Variants in MARCHF1 observed in about 807,000 individuals in gnomAD.
MARCHF1 encodes membrane associated ring-CH-type finger 1.
MARCHF1 carries 40 observed loss-of-function variants against 54.2 expected under a neutral mutation model. The ratio of observed to expected loss-of-function variants is 0.74; its 90% confidence interval spans 0.57 to 0.96. MARCHF1 has a LOEUF of 0.96. Ranked by LOEUF, MARCHF1 falls within the 40% of genes least tolerant of loss-of-function variation. The pLI is 0.00. For synonymous variants in MARCHF1, 236 were observed against 236.3 expected, an observed-to-expected ratio of 1.00 and a Z score of 0.01; for missense variants, 586 against 656.5, an observed-to-expected ratio of 0.89 and a Z score of 1.17.
intron 2 of MARCHF1, among the ~76,000 whole-genome samples, chr4:164,059,320 C>T (rs1242262605): frequency 6.6e-6 from 1 of 152,126 alleles, no homozygotes; most frequent in Non-Finnish European, 1.5e-5. Context: ...CAAGAGCGTT[C>T]CAATGTGTAT....
intron 1 of MARCHF1, among the ~76,000 whole-genome samples, chr4:164,259,508 G>T (rs1292901379): frequency 4.1e-5 from 5 of 123,250 alleles, no homozygotes; most frequent in Non-Finnish European, 7.9e-5. Flanking sequence ...CACGGCTACT[G>T]CACTCCAGTG....
intron 1 of MARCHF1, among the ~76,000 whole-genome samples, chr4:164,180,240 A>G (rs114968107): frequency 0.013 from 1,917 of 152,156 alleles, 38 homozygotes; most frequent in African/African-American, 0.044. Context: ...TGCACTGATA[A>G]TTTTATTGGA....
At chr4:164,095,186 AGAACAGCCTG>A (rs1338309606) in intron 2 of MARCHF1, among the ~76,000 whole-genome samples, 1 of 152,164 alleles carries the variant, frequency 6.6e-6, no homozygotes, top group African/African-American at 2.4e-5. Context: ...CTTCAAGCCC[AGAACAGCCTG>A]GATTATACTC....
intron 1 of MARCHF1, among the ~76,000 whole-genome samples, chr4:164,147,921 T>C (rs549550078): frequency 7.2e-5 from 11 of 152,154 alleles, no homozygotes; most frequent in African/African-American, 2.6e-4. Flanking sequence ...CCATTAAAAG[T>C]ATTTCTGGAT....
At position 163,612,264 on chromosome 4, in the gene MARCHF1, G is replaced by A. The variant is rs772075480; in HGVS notation, c.1010+7C>T. On this transcript the variant is annotated splice_region_variant and intron_variant, in intron 7 of 9. Coordinates refer to ENST00000514618, the MANE Select transcript of MARCHF1 (RefSeq NM_001394959.1). ...ATGACATCAAGCCTTTCTCTACAGT[G>A]ACTGACCTGCATACTTCTAAATTAT... is the stretch of plus-strand genomic sequence containing the variant. The A allele has an allele frequency of 5.4e-6, 8 of 1,482,990 alleles. 1 individual carries two copies. In the South Asian group the frequency reaches 5.5e-5, roughly 10 times the overall value. The allele number at this position is 1,482,990 out of a possible 1,614,324, so 91.9% of individuals were successfully genotyped here. A position where few individuals can be genotyped will look rare whatever the true frequency, so the allele number is the denominator to read the frequency against.
rs144478801 is a variant in MARCHF1, at chr4:164,382,534, T to C, written c.-323+1336A>G. Among the ~76,000 whole-genome samples, 212 of 152,306 alleles carry C rather than the reference T, an allele frequency of 1.4e-3. 2 individuals are homozygous for C. The East Asian group carries it at 0.032, about 23-fold the overall frequency. ...AAAATTACTATTTAAAGTTTAAATA[T>C]TTTCGATTGTAGTGGATGAAAACAG... On this transcript the variant is annotated intron_variant, in intron 1 of 9. Coordinates refer to ENST00000514618, the MANE Select transcript of MARCHF1 (RefSeq NM_001394959.1).
chr4:164,175,720 G>C (rs1730645346), intron 1 of MARCHF1, among the ~76,000 whole-genome samples: 1 of 152,198 alleles, frequency 6.6e-6, no homozygotes, highest in South Asian at 2.1e-4. Context: ...TCTGTCTTCA[G>C]ACTGAAGACC....
intron 1 of MARCHF1, among the ~76,000 whole-genome samples, chr4:164,258,301 A>T (rs1733352606): frequency 6.6e-6 from 1 of 152,018 alleles, no homozygotes; most frequent in Admixed American, 6.6e-5. Flanking sequence ...AATGTAGATG[A>T]CTGGTTGATG....
chr4:164,352,639 A>G (rs1298392351), intron 1 of MARCHF1, among the ~76,000 whole-genome samples: 4 of 150,656 alleles, frequency 2.7e-5, no homozygotes, highest in Non-Finnish European at 4.4e-5. Flanking sequence ...AACAACCGGT[A>G]CCAGCCGCTG....
chr4:163,646,728 G>C (rs964967555), intron 5 of MARCHF1, among the ~76,000 whole-genome samples: 2 of 152,022 alleles, frequency 1.3e-5, no homozygotes, highest in African/African-American at 4.8e-5. Flanking sequence ...GTTTTATGAA[G>C]TGTCAGGAAA....
At chr4:164,179,279 A>G (rs953261516) in intron 1 of MARCHF1, among the ~76,000 whole-genome samples, 1 of 152,182 alleles carries the variant, frequency 6.6e-6, no homozygotes, top group Non-Finnish European at 1.5e-5. Flanking sequence ...GATTCTGCAC[A>G]TAGTAAACTC....
chr4:163,907,810 A>G (rs926647970), intron 3 of MARCHF1, among the ~76,000 whole-genome samples: 1 of 152,116 alleles, frequency 6.6e-6, no homozygotes, highest in Non-Finnish European at 1.5e-5. Context: ...TATCTTCACC[A>G]AGGTTTATTA....
intron 1 of MARCHF1, among the ~76,000 whole-genome samples, chr4:164,132,061 G>A (rs1756311815): frequency 6.6e-6 from 1 of 151,988 alleles, no homozygotes; most frequent in Non-Finnish European, 1.5e-5. Flanking sequence ...ACAACATAAA[G>A]CAAAATAAAC....
At chr4:164,100,383 C>G (rs1054924395) in intron 2 of MARCHF1, among the ~76,000 whole-genome samples, 3 of 152,184 alleles carry the variant, frequency 2.0e-5, no homozygotes, top group Non-Finnish European at 4.4e-5. Flanking sequence ...ATAGACATAT[C>G]CAACTTTTAG....
intron 7 of MARCHF1, among the ~76,000 whole-genome samples, chr4:163,602,671 A>G (rs1480347378): frequency 6.6e-6 from 1 of 152,156 alleles, no homozygotes; most frequent in Non-Finnish European, 1.5e-5. Flanking sequence ...AACTTTCTTA[A>G]GAGTCTGTTA....
At chr4:163,716,541 GT>G (rs1745263254) in intron 4 of MARCHF1, among the ~76,000 whole-genome samples, 1 of 152,206 alleles carries the variant, frequency 6.6e-6, no homozygotes, top group Non-Finnish European at 1.5e-5. Context: ...AATTAATAAT[GT>G]TAAATTATTA....
In MARCHF1 at chr4:164,045,584, G is replaced by A. The variant is rs185047438; in HGVS notation, c.-247-56875C>T. On this transcript the variant is annotated intron_variant, in intron 2 of 9. Transcript: ENST00000514618. ...ATTTACCAAATTTTAAGGATTATGTGCTTCAGATTTAGTTTAGCTTAGGTT... is the reference window on the plus strand; with the variant it reads ...ATTTACCAAATTTTAAGGATTATGTACTTCAGATTTAGTTTAGCTTAGGTT... 3.3e-5 allele frequency among the ~76,000 whole-genome samples: 5 copies of A among 151,128 alleles called. No individual in the cohort carries two copies. The East Asian group carries it at 9.7e-4, about 29-fold the overall frequency.
At chr4:164,010,475 T>C (rs1036732957) in intron 2 of MARCHF1, among the ~76,000 whole-genome samples, 1 of 152,068 alleles carries the variant, frequency 6.6e-6, no homozygotes, top group Non-Finnish European at 1.5e-5. Context: ...AACATTTCTA[T>C]ATTGCAGTGG....
At chr4:163,838,713 A>G (rs1312779155) in intron 4 of MARCHF1, among the ~76,000 whole-genome samples, 1 of 152,098 alleles carries the variant, frequency 6.6e-6, no homozygotes, top group Non-Finnish European at 1.5e-5. Flanking sequence ...AAAAAGAATA[A>G]ATTTGGATCT....
Sources: allele counts gnomAD v4.1 joint callset (sites outside exome capture counted in the v4.1 genomes callset), GRCh38; gene constraint gnomAD v4.1.1; transcripts MANE v1.5; gene names NCBI Gene and HGNC (gene_info 2026-07-23, HGNC 2026-07-21).